CDH13: variants seen among roughly 807,000 people sequenced by gnomAD.
CDH13 encodes cadherin 13, also known as cadherin-13.
A neutral mutation model predicts 63.8 loss-of-function variants in CDH13; 24 were observed. That is an observed-to-expected ratio of 0.38 (90% CI 0.27 to 0.53). The LOEUF is 0.53. CDH13 is among the 20% of genes least tolerant of loss of function. The pLI, the probability that CDH13 is intolerant of heterozygous loss-of-function variation, is 0.85. For missense variants in CDH13, 1,049 were observed against 903.1 expected (o/e 1.16, Z -2.07); for synonymous variants, 503 against 355.3 (o/e 1.42, Z -4.67).
intron 8 of CDH13, among the ~76,000 whole-genome samples, chr16:83,661,048 CTTT>C (rs5818462): frequency 2.8e-5 from 4 of 144,164 alleles, no homozygotes; most frequent in Admixed American, 6.9e-5. Flanking sequence ...AGCAGCAAAA[CTTT>C]TTTTTTTTTT....
intron 11 of CDH13, among the ~76,000 whole-genome samples, chr16:83,767,568 T>C (rs1231795150): frequency 6.6e-6 from 1 of 152,208 alleles, no homozygotes; most frequent in Non-Finnish European, 1.5e-5. Context: ...AGAAACATTA[T>C]TCGTAATAGA....
At chr16:83,334,250 GTC>G (rs377643024) in intron 5 of CDH13, among the ~76,000 whole-genome samples, 2 of 150,590 alleles carry the variant, frequency 1.3e-5, no homozygotes, top group Non-Finnish European at 3.0e-5. Flanking sequence ...CTGTCTGTCT[GTC>G]TCTCTCTCTG....
At chr16:82,869,510 G>T (rs1005186635) in intron 2 of CDH13, among the ~76,000 whole-genome samples, 3 of 152,024 alleles carry the variant, frequency 2.0e-5, no homozygotes, top group African/African-American at 7.2e-5. Flanking sequence ...AACCCCAAAA[G>T]ACCCAGAACA....
chr16:82,851,863 T>C (rs9936407), intron 1 of CDH13, among the ~76,000 whole-genome samples: 38,622 of 152,146 alleles, frequency 0.25, 5,749 homozygotes, highest in Non-Finnish European at 0.34. Flanking sequence ...TCAGAGGCAG[T>C]ATCCTTTCTT....
chr16:83,238,006 G>C (rs1203662660), intron 5 of CDH13, among the ~76,000 whole-genome samples: 6 of 152,180 alleles, frequency 3.9e-5, no homozygotes, highest in Non-Finnish European at 8.8e-5. Context: ...ATGTTCTGAT[G>C]CCAAAGCCCA....
At chr16:82,977,869 T>C (rs1331390139) in intron 2 of CDH13, among the ~76,000 whole-genome samples, 1 of 152,154 alleles carries the variant, frequency 6.6e-6, no homozygotes, top group Non-Finnish European at 1.5e-5. Context: ...CCTGGAAGGC[T>C]CAGAAGACAG....
At chr16:83,740,351 G>C (rs1270337052) in intron 10 of CDH13, among the ~76,000 whole-genome samples, 2 of 151,934 alleles carry the variant, frequency 1.3e-5, no homozygotes, top group African/African-American at 2.4e-5. Context: ...GTAGCAAGCA[G>C]AAGAGAAGCA....
intron 4 of CDH13, among the ~76,000 whole-genome samples, chr16:83,205,854 C>T (rs892114996): frequency 4.0e-4 from 61 of 152,212 alleles, no homozygotes; most frequent in African/African-American, 1.3e-3. Flanking sequence ...CCACCCGTCT[C>T]GGCATCCCAA....
chr16:82,960,572 G>C (rs996928992), intron 2 of CDH13, among the ~76,000 whole-genome samples: 4 of 152,166 alleles, frequency 2.6e-5, no homozygotes, highest in East Asian at 1.9e-4. Context: ...CTATCCACTT[G>C]ATCTCAAGAA....
At chr16:83,338,817 A>G (rs1378158767) in intron 5 of CDH13, among the ~76,000 whole-genome samples, 2 of 152,206 alleles carry the variant, frequency 1.3e-5, no homozygotes, top group Admixed American at 6.5e-5. Flanking sequence ...ATAATAAGGA[A>G]GAAGAGGGAT....
At chr16:82,719,307 C>T (rs866982406) in intron 1 of CDH13, 10 of 453,246 alleles carry the variant, frequency 2.2e-5, no homozygotes, top group African/African-American at 1.8e-4. Context: ...TGTGGAGATG[C>T]ACTGTTACTA....
Position 82,737,457 on chromosome 16 carries a change from T to C in CDH13, c.45+110320T>C, listed in dbSNP as rs759398510. Reference sequence around the variant, plus strand: ...TACCTCCCACTGAACAAAAGAAATATAATCCTTGAAACGTGCTCCTTAGTG... The same window carrying C: ...TACCTCCCACTGAACAAAAGAAATACAATCCTTGAAACGTGCTCCTTAGTG... On this transcript the variant is annotated intron_variant, in intron 1 of 13. Transcript: ENST00000567109. 4.6e-5 allele frequency among the ~76,000 whole-genome samples: 7 copies of C among 152,354 alleles called. No homozygotes were observed. In the South Asian group the frequency reaches 1.2e-3, roughly 27 times the overall value.
In CDH13 at chr16:83,059,793, G is replaced by GTT. The variant is rs66521965; in HGVS notation, c.366+27594_366+27595dup. ...TTTGCCTTTGTTTTTTTTTTTGTTT[G>GTT]TTTTTTTTTTTTTTTTTTTTAGAAG... is the stretch of plus-strand genomic sequence containing the variant. On this transcript the variant is annotated intron_variant, in intron 3 of 13. Transcript: ENST00000567109. Among the ~76,000 whole-genome samples, 85 of 113,060 alleles carry GTT rather than the reference G, an allele frequency of 7.5e-4. 1 individual carries two copies. The highest frequency in any genetic ancestry group is 2.0e-3 in the African/African-American group (61 of 30,862). 74.2% of individuals were successfully genotyped at this position (113,060 alleles called of 152,430 possible).
chr16:82,970,944 G>A (rs1908651396), intron 2 of CDH13, among the ~76,000 whole-genome samples: 1 of 152,114 alleles, frequency 6.6e-6, no homozygotes, highest in South Asian at 2.1e-4. Context: ...AATATTTGTT[G>A]AATGTACAAA....
chr16:83,286,898 A>C (rs1169801437), intron 5 of CDH13, among the ~76,000 whole-genome samples: 2 of 151,878 alleles, frequency 1.3e-5, no homozygotes, highest in Non-Finnish European at 2.9e-5. Context: ...GTGGAAAGTG[A>C]AGCAAGGGCT....
chr16:83,436,502 T>A (rs560603078), intron 6 of CDH13, among the ~76,000 whole-genome samples: 1 of 152,258 alleles, frequency 6.6e-6, no homozygotes, highest in South Asian at 2.1e-4. Flanking sequence ...CAATGAATAA[T>A]GACCCAAGTA....
intron 11 of CDH13, among the ~76,000 whole-genome samples, chr16:83,775,793 C>T (rs1009705735): frequency 3.9e-5 from 6 of 152,036 alleles, no homozygotes; most frequent in Admixed American, 6.5e-5. Context: ...ACCCCGTCTT[C>T]ACTGTGCCTT....
At chr16:83,483,318 A>G (rs1163792100) in intron 6 of CDH13, among the ~76,000 whole-genome samples, 1 of 152,210 alleles carries the variant, frequency 6.6e-6, no homozygotes, top group Non-Finnish European at 1.5e-5. Flanking sequence ...GTTCCCTAAC[A>G]ATCCATTAAA....
chr16:83,005,285 A>C (rs1173239446), intron 2 of CDH13, among the ~76,000 whole-genome samples: 1 of 152,128 alleles, frequency 6.6e-6, no homozygotes, highest in African/African-American at 2.4e-5. Flanking sequence ...AAGTTTGGAA[A>C]ATAGGGAATT....
Sources: allele counts gnomAD v4.1 joint callset (sites outside exome capture counted in the v4.1 genomes callset), GRCh38; gene constraint gnomAD v4.1.1; transcripts MANE v1.5; gene names NCBI Gene and HGNC (gene_info 2026-07-23, HGNC 2026-07-21).